CSMD1: variants seen among roughly 807,000 people sequenced by gnomAD.
CSMD1 encodes CUB and Sushi multiple domains 1, also known as CUB and sushi domain-containing protein 1.
Under a neutral mutation model 417.5 loss-of-function variants are expected in CSMD1, and 213 were observed. That is an observed-to-expected ratio of 0.51 (90% CI 0.46 to 0.57). The LOEUF (loss-of-function observed/expected upper bound fraction) is 0.57, where lower values mean the gene tolerates loss of function less well. CSMD1 is among the 20% of genes least tolerant of loss of function. CSMD1 has a pLI of 0.00. For synonymous variants in CSMD1, 2,862 were observed against 1,736.8 expected (o/e 1.65, Z -16.11); for missense variants, 6,923 against 4,529.7 (o/e 1.53, Z -15.17).
intron 3 of CSMD1, among the ~76,000 whole-genome samples, chr8:4,410,599 T>C (rs537394061): frequency 3.3e-5 from 5 of 152,314 alleles, no homozygotes; most frequent in African/African-American, 1.2e-4. Flanking sequence ...TTGTTTTTCA[T>C]TTATCTGAAA....
rs113716165 is a variant in CSMD1, at chr8:4,834,599, C to A, written c.85+159733G>T. ...ACGAGTTCAAAAAGAATGAGAACAA[C>A]GTGGTCCAGGATAAAGAATGGCAGA... On this transcript the variant is annotated intron_variant, in intron 1 of 69. Transcript: ENST00000635120. 1.3e-4 allele frequency among the ~76,000 whole-genome samples: 20 copies of A among 151,764 alleles called. No individual in the cohort carries two copies. In the South Asian group the frequency reaches 2.9e-3, roughly 22 times the overall value.
At chr8:3,859,244 C>G (rs1395789143) in intron 5 of CSMD1, among the ~76,000 whole-genome samples, 2 of 152,190 alleles carry the variant, frequency 1.3e-5, no homozygotes, top group Admixed American at 1.3e-4. Context: ...CAAGTGAACG[C>G]CATTCAATCC....
chr8:3,738,898 C>A (rs189616907), intron 6 of CSMD1, among the ~76,000 whole-genome samples: 151 of 152,318 alleles, frequency 9.9e-4, no homozygotes, highest in Non-Finnish European at 1.6e-3. Context: ...GTCTCGAAAT[C>A]TGTAAGGCCT....
intron 54 of CSMD1, among the ~76,000 whole-genome samples, chr8:2,996,819 A>G (rs1434303386): frequency 6.6e-6 from 1 of 152,248 alleles, no homozygotes. Flanking sequence ...TTATTAAAGG[A>G]AAAAACAAAC....
intron 3 of CSMD1, among the ~76,000 whole-genome samples, chr8:4,401,395 T>C (rs1563135092): frequency 6.6e-6 from 1 of 152,184 alleles, no homozygotes; most frequent in Admixed American, 6.5e-5. Flanking sequence ...CAGATGTTAG[T>C]TGTTTATGAC....
intron 1 of CSMD1, among the ~76,000 whole-genome samples, chr8:4,809,152 G>A (rs1245811932): frequency 2.6e-5 from 4 of 152,130 alleles, no homozygotes; most frequent in South Asian, 4.1e-4. Context: ...AGGGACAACT[G>A]TTACATACAT....
chr8:4,387,010 G>C (rs1415548568), intron 3 of CSMD1, among the ~76,000 whole-genome samples: 1 of 152,038 alleles, frequency 6.6e-6, no homozygotes, highest in African/African-American at 2.4e-5. Flanking sequence ...GGCTTCATTT[G>C]AAAGGGACTG....
intron 8 of CSMD1, among the ~76,000 whole-genome samples, chr8:3,610,879 C>T (rs1158213222): frequency 6.6e-6 from 1 of 151,998 alleles, no homozygotes; most frequent in African/African-American, 2.4e-5. Context: ...CACTGAGTTG[C>T]CTTTTCCATT....
intron 1 of CSMD1, among the ~76,000 whole-genome samples, chr8:4,723,802 A>C (rs1157116528): frequency 8.0e-5 from 10 of 125,408 alleles, no homozygotes; most frequent in South Asian, 2.4e-4. Flanking sequence ...AAAAAAAAAC[A>C]AAAAAAAAAC....
chr8:4,131,845 C>G (rs1803126775), intron 3 of CSMD1, among the ~76,000 whole-genome samples: 1 of 138,940 alleles, frequency 7.2e-6, no homozygotes, highest in African/African-American at 2.7e-5. Flanking sequence ...TCACTGCAAG[C>G]TCCATCTCCC....
intron 26 of CSMD1, among the ~76,000 whole-genome samples, chr8:3,233,101 T>C (rs928906433): frequency 6.7e-6 from 1 of 148,934 alleles, no homozygotes; most frequent in Non-Finnish European, 1.5e-5. Flanking sequence ...ATTTTTTTTT[T>C]CTGAGTTTTT....
intron 5 of CSMD1, among the ~76,000 whole-genome samples, chr8:3,917,186 C>A (rs550150019): frequency 3.3e-5 from 5 of 152,210 alleles, no homozygotes; most frequent in African/African-American, 9.6e-5. Flanking sequence ...ATTTATGGAG[C>A]GCTTAATCTC....
At chr8:4,062,464 G>C (rs1048408404) in intron 3 of CSMD1, among the ~76,000 whole-genome samples, 4 of 152,118 alleles carry the variant, frequency 2.6e-5, no homozygotes, top group African/African-American at 9.7e-5. Flanking sequence ...CACAATGTCA[G>C]AATCAAATGC....
At chr8:3,605,932 G>C (rs1196170040) in intron 8 of CSMD1, among the ~76,000 whole-genome samples, 3 of 152,140 alleles carry the variant, frequency 2.0e-5, no homozygotes, top group African/African-American at 4.8e-5. Context: ...AGACTGGCTT[G>C]TTAGCCTCAG....
At chr8:4,176,901 C>T (rs1186714677) in intron 3 of CSMD1, among the ~76,000 whole-genome samples, 1 of 148,582 alleles carries the variant, frequency 6.7e-6, no homozygotes, top group Admixed American at 6.8e-5. Context: ...ATATATGCAC[C>T]CAATACAGGA....
intron 5 of CSMD1, among the ~76,000 whole-genome samples, chr8:3,815,104 G>A (rs141780328): frequency 2.4e-3 from 367 of 152,266 alleles, no homozygotes; most frequent in African/African-American, 8.5e-3. Context: ...CATTTTTTCA[G>A]AAAATAATTA....
chr8:3,240,822 C>T (rs1053445569), intron 26 of CSMD1, among the ~76,000 whole-genome samples: 1 of 152,038 alleles, frequency 6.6e-6, no homozygotes, highest in Non-Finnish European at 1.5e-5. Context: ...CCTGAACTAA[C>T]CTGTAAGGCT....
At chr8:4,693,164 C>T (rs1054390800) in intron 1 of CSMD1, among the ~76,000 whole-genome samples, 1 of 152,200 alleles carries the variant, frequency 6.6e-6, no homozygotes, top group Non-Finnish European at 1.5e-5. Flanking sequence ...CCTCTTAATT[C>T]CTTAATTTGG....
At chr8:4,296,578 G>A (rs1797696765) in intron 3 of CSMD1, among the ~76,000 whole-genome samples, 1 of 149,858 alleles carries the variant, frequency 6.7e-6, no homozygotes, top group South Asian at 2.1e-4. Context: ...ATTTCTACAT[G>A]CAAAAGGCAG....
Sources: allele counts gnomAD v4.1 joint callset (sites outside exome capture counted in the v4.1 genomes callset), GRCh38; gene constraint gnomAD v4.1.1; transcripts MANE v1.5; gene names NCBI Gene and HGNC (gene_info 2026-07-23, HGNC 2026-07-21).